SLC9A9: variants seen among roughly 807,000 people sequenced by gnomAD.
The protein encoded by SLC9A9 is sodium/hydrogen exchanger 9.
In SLC9A9, 62 loss-of-function variants were observed where a neutral mutation model predicts 77.8. The observed-to-expected ratio is 0.80, with a 90% CI of 0.65 to 0.98. SLC9A9 has a LOEUF of 0.98. Ranked by LOEUF, SLC9A9 falls within the 50% of genes least tolerant of loss-of-function variation. The pLI is 0.00. For missense variants in SLC9A9, 775 were observed against 774.9 expected (o/e 1.00, Z 0.00); for synonymous variants, 320 against 283.5 (o/e 1.13, Z -1.29).
At chr3:143,479,425 A>AT (rs35787235) in intron 11 of SLC9A9, among the ~76,000 whole-genome samples, 17,725 of 151,180 alleles carry the variant, frequency 0.12, 1,194 homozygotes, top group South Asian at 0.2. Flanking sequence ...TTAAAAAAAA[A>AT]TTTTTTTTGT....
intron 4 of SLC9A9, among the ~76,000 whole-genome samples, chr3:143,715,342 T>C (rs935161613): frequency 6.6e-6 from 1 of 152,174 alleles, no homozygotes; most frequent in African/African-American, 2.4e-5. Context: ...TGACTTCAGA[T>C]GTTAATGGTA....
At chr3:143,401,573 T>C (rs1327727682) in intron 12 of SLC9A9, among the ~76,000 whole-genome samples, 1 of 152,164 alleles carries the variant, frequency 6.6e-6, no homozygotes, top group Non-Finnish European at 1.5e-5. Flanking sequence ...AAGAAATCCA[T>C]AAATATAATA....
At position 143,467,087 on chromosome 3, in the gene SLC9A9, G is replaced by A. The variant is rs376027439; in HGVS notation, c.1419C>T (p.Val473=). The change falls in exon 12 of 16, where the codon GTC becomes GTT. Residue 473 remains valine, a synonymous_variant. Coordinates refer to ENST00000316549, the MANE Select transcript of SLC9A9 (RefSeq NM_173653.4). ...GGGTTGTTCCTCCTCCAAATACCCA[G>A]ACAGTGAAGAACACGAGGAGCAGCG... ...TTTLLLVFFT[V]WVFGGGTTPM... 15 of 1,613,982 alleles carry A rather than the reference G, an allele frequency of 9.3e-6. No individual in the cohort carries two copies. The African/African-American group carries it at 1.5e-4, about 16-fold the overall frequency.
intron 12 of SLC9A9, among the ~76,000 whole-genome samples, chr3:143,462,029 G>C (rs1576513989): frequency 6.6e-6 from 1 of 152,064 alleles, no homozygotes; most frequent in Non-Finnish European, 1.5e-5. Flanking sequence ...TTTGAGGATG[G>C]CTTTTGGTCA....
intron 9 of SLC9A9, among the ~76,000 whole-genome samples, chr3:143,527,660 C>T (rs944931122): frequency 3.3e-5 from 5 of 152,246 alleles, no homozygotes; most frequent in South Asian, 4.2e-4. Flanking sequence ...TCCTGTCTAC[C>T]GAAGGAAAGC....
At chr3:143,524,739 T>A (rs1250210153) in intron 9 of SLC9A9, among the ~76,000 whole-genome samples, 1 of 152,220 alleles carries the variant, frequency 6.6e-6, no homozygotes, top group Non-Finnish European at 1.5e-5. Flanking sequence ...TGGTTCCCAG[T>A]GAGACAGTGT....
At chr3:143,787,998 G>GAAGTTAAAATAATT (rs1178747701) in intron 4 of SLC9A9, among the ~76,000 whole-genome samples, 1 of 152,062 alleles carries the variant, frequency 6.6e-6, no homozygotes, top group African/African-American at 2.4e-5. Context: ...GACTTATTAT[G>GAAGTTAAAATAATT]AAGTTAAAAT....
In SLC9A9 at chr3:143,265,766, G is replaced by A. The variant is rs1009106524; in HGVS notation, c.*936C>T. The stretch of plus-strand genomic sequence containing the variant: ...TCATTGGCTCTGTTCCTCTCGCCCT[G>A]CTCCTGCACTGCTCATCAGCTGTGA... On this transcript the variant is annotated 3_prime_UTR_variant, in exon 16 of 16. Transcript: ENST00000316549. The A allele has an allele frequency of 3.6e-5, 19 of 531,930 alleles. No homozygotes were observed. The highest frequency in any genetic ancestry group is 1.2e-4 in the South Asian group (4 of 33,040). The allele number at this position is 531,930 out of a possible 1,614,324, so 33.0% of individuals were successfully genotyped here.
chr3:143,496,375 A>T (rs576592975), intron 9 of SLC9A9, among the ~76,000 whole-genome samples: 2 of 152,324 alleles, frequency 1.3e-5, no homozygotes, highest in South Asian at 4.1e-4. Context: ...GACCTACATA[A>T]ATCACCATGT....
chr3:143,359,531 G>A (rs2032683433), intron 14 of SLC9A9, among the ~76,000 whole-genome samples: 1 of 152,212 alleles, frequency 6.6e-6, no homozygotes, highest in Admixed American at 6.5e-5. Flanking sequence ...GCCAGTGCAA[G>A]GGCCTGGGTG....
At chr3:143,333,891 C>T (rs1356695127) in intron 14 of SLC9A9, among the ~76,000 whole-genome samples, 1 of 144,258 alleles carries the variant, frequency 6.9e-6, no homozygotes, top group Non-Finnish European at 1.5e-5. Context: ...TGTGGAGCCC[C>T]AGGATTTCTT....
chr3:143,369,655 A>T (rs73144743), intron 13 of SLC9A9, among the ~76,000 whole-genome samples: 24,454 of 151,600 alleles, frequency 0.16, 2,097 homozygotes, highest in South Asian at 0.23. Flanking sequence ...TTTTAAAATT[A>T]AAAAAAAATC....
At chr3:143,714,746 T>C (rs952459439) in intron 4 of SLC9A9, among the ~76,000 whole-genome samples, 9 of 152,200 alleles carry the variant, frequency 5.9e-5, no homozygotes, top group African/African-American at 2.2e-4. Context: ...GAACTTGCTC[T>C]CTGGCTTTTA....
At chr3:143,295,637 T>A (rs9848371) in intron 14 of SLC9A9, among the ~76,000 whole-genome samples, 35,509 of 152,074 alleles carry the variant, frequency 0.23, 4,976 homozygotes, top group African/African-American at 0.39. Flanking sequence ...GAGGATGTCA[T>A]TAACTGACAA....
chr3:143,756,681 T>G (rs151005338), intron 4 of SLC9A9, among the ~76,000 whole-genome samples: 1,981 of 152,322 alleles, frequency 0.013, 28 homozygotes, highest in Middle Eastern at 0.048. Flanking sequence ...GCTGAAAGTA[T>G]TAATAGGAAT....
intron 7 of SLC9A9, among the ~76,000 whole-genome samples, chr3:143,574,680 C>T (rs1173748196): frequency 6.6e-6 from 1 of 152,176 alleles, no homozygotes; most frequent in East Asian, 1.9e-4. Context: ...AAGTTACATT[C>T]AGTGACAGGG....
intron 12 of SLC9A9, among the ~76,000 whole-genome samples, chr3:143,393,159 C>T (rs913796933): frequency 6.6e-6 from 1 of 152,212 alleles, no homozygotes; most frequent in Admixed American, 6.5e-5. Flanking sequence ...CTCTGCACCA[C>T]ACCACACCTA....
chr3:143,640,888 C>T (rs2038609979), intron 6 of SLC9A9, among the ~76,000 whole-genome samples: 2 of 152,026 alleles, frequency 1.3e-5, no homozygotes, highest in Admixed American at 1.3e-4. Flanking sequence ...TGATTTGTTG[C>T]CTAGAAAAAT....
intron 6 of SLC9A9, among the ~76,000 whole-genome samples, chr3:143,606,400 ATCTCTCTC>A (rs746582477): frequency 0.038 from 2,912 of 76,348 alleles, 72 homozygotes; most frequent in Non-Finnish European, 0.044. Flanking sequence ...GAAAGAGTGA[ATCTCTCTC>A]TCTCTCTCTC....
Sources: gnomAD v4.1 joint callset for allele counts (sites outside exome capture counted in the v4.1 genomes callset) on GRCh38, gnomAD v4.1.1 for gene constraint, MANE v1.5 for transcripts, NCBI Gene and HGNC (gene_info 2026-07-23, HGNC 2026-07-21) for gene names.